CARD8: variants seen among roughly 807,000 people sequenced by gnomAD.
CARD8 encodes caspase recruitment domain family member 8.
In CARD8, 38 loss-of-function variants were observed where a neutral mutation model predicts 53.2. That is an observed-to-expected ratio of 0.71 (90% CI 0.55 to 0.94). The LOEUF is 0.94. CARD8 is among the 40% of genes least tolerant of loss of function. CARD8 has a pLI of 0.00. For missense variants in CARD8, 561 were observed against 655.5 expected, an observed-to-expected ratio of 0.86 and a Z score of 1.57; for synonymous variants, 245 against 244.9, an observed-to-expected ratio of 1.00 and a Z score of 0.00.
In CARD8 at chr19:48,240,994, C is replaced by G. The variant is rs1322799760; in HGVS notation, c.27G>C (p.Lys9Asn). The G allele has an allele frequency of 6.5e-7, 1 of 1,536,064 alleles. No homozygotes were observed. The highest frequency in any genetic ancestry group is 1.4e-5 in the African/African-American group (1 of 73,026). Residue 9 changes from lysine (K) to asparagine (N), a missense_variant, in exon 4 of 14, where the codon AAG (lysine) becomes AAC (asparagine). Coordinates refer to ENST00000651546, the MANE Select transcript of CARD8 (RefSeq NM_001184900.3). MEKKECPE[K>N]SSSSEEELPR... ...GCAGCTCTTCCTCACTGCTGCTACT[C>G]TTTTCTGGACACTCCTTTTTTTCCA...
intron 10 of CARD8, among the ~76,000 whole-genome samples, chr19:48,229,718 C>T (rs1164803026): frequency 4.6e-5 from 7 of 152,198 alleles, no homozygotes; most frequent in Non-Finnish European, 8.8e-5. Flanking sequence ...GAATATGAGC[C>T]TTTAATAAGT....
intron 4 of CARD8, 65 bp downstream of exon 4, chr19:48,240,897 T>C (rs2044887390): frequency 1.6e-6 from 2 of 1,249,232 alleles, no homozygotes; most frequent in Non-Finnish European, 2.3e-6. Context: ...CTGTATCTCA[T>C]GAACTATAAC....
intron 10 of CARD8, among the ~76,000 whole-genome samples, chr19:48,227,931 G>C (rs1208905320): frequency 6.6e-6 from 1 of 151,998 alleles, no homozygotes; most frequent in African/African-American, 2.4e-5. Flanking sequence ...GAGCTGTTAG[G>C]AATCGGGCTG....
At chr19:48,253,160 T>C (rs1600782065) in intron 1 of CARD8, among the ~76,000 whole-genome samples, 1 of 152,168 alleles carries the variant, frequency 6.6e-6, no homozygotes, top group Non-Finnish European at 1.5e-5. Context: ...CTAAAAAGAA[T>C]AGGACTGGTT....
chr19:48,253,363 G>A (rs2047179783), intron 1 of CARD8, among the ~76,000 whole-genome samples: 1 of 152,144 alleles, frequency 6.6e-6, no homozygotes, highest in African/African-American at 2.4e-5. Flanking sequence ...GTAATTACAG[G>A]TGTGAGCCAC....
At chr19:48,206,177 C>T (rs559922249), downstream of CARD8, among the ~76,000 whole-genome samples, 82 of 152,234 alleles carry the variant, frequency 5.4e-4, no homozygotes, top group Non-Finnish European at 1.1e-3. Flanking sequence ...GGATTACAGC[C>T]GTGAGCCATC....
At position 48,215,978 on chromosome 19, in the gene CARD8, C is replaced by T. The variant is rs553568307; in HGVS notation, c.1304-594G>A. On this transcript the variant is annotated intron_variant, in intron 12 of 13. Coordinates refer to ENST00000651546, the MANE Select transcript of CARD8 (RefSeq NM_001184900.3). ...TGGCAGCAGCTCAGTCACCATGTCACCAAGACAGAATAAATATGAGCTTCC... is the reference window on the plus strand; with the variant it reads ...TGGCAGCAGCTCAGTCACCATGTCATCAAGACAGAATAAATATGAGCTTCC... 3.7e-4 allele frequency among the ~76,000 whole-genome samples: 56 copies of T among 152,088 alleles called. No homozygotes were observed. In the South Asian group the frequency reaches 0.011, roughly 30 times the overall value.
chr19:48,233,278 G>A (rs2043243964), intron 6 of CARD8: 1 of 455,154 alleles, frequency 2.2e-6, no homozygotes, highest in Non-Finnish European at 4.4e-6. Context: ...ATACCTTCTG[G>A]AGCAAGGCAA....
intron 8 of CARD8, 51 bp downstream of exon 8, chr19:48,231,609 C>T (rs746666201): frequency 1.3e-6 from 2 of 1,535,614 alleles, no homozygotes; most frequent in Non-Finnish European, 1.8e-6. Context: ...GGCCTACACA[C>T]TTCCTTTATA....
At chr19:48,212,421 A>G (rs2038188298) in intron 13 of CARD8, among the ~76,000 whole-genome samples, 1 of 152,264 alleles carries the variant, frequency 6.6e-6, no homozygotes, top group Non-Finnish European at 1.5e-5. Context: ...CTATGAAAGA[A>G]GAGATTTAAC....
chr19:48,231,544 C>A lies in CARD8; in HGVS notation c.542+116G>T, dbSNP rs2042888466. 5.9e-6 allele frequency: 6 copies of A among 1,009,690 alleles called. No individual in the cohort carries two copies. The Admixed American group carries it at 1.2e-4, about 20-fold the overall frequency. The allele number at this position is 1,009,690 out of a possible 1,614,324, so 62.5% of individuals were successfully genotyped here. A position where few individuals can be genotyped will look rare whatever the true frequency, so the allele number is the denominator to read the frequency against. On this transcript the variant is annotated intron_variant, in intron 8 of 13. Transcript: ENST00000651546. ...GGTCTCGAACTCCTGACCTTGTGATCCGCCCTCCTCCACCTCCCAAAGTGC... is the reference window on the plus strand; with the variant it reads ...GGTCTCGAACTCCTGACCTTGTGATACGCCCTCCTCCACCTCCCAAAGTGC...
intron 1 of CARD8, among the ~76,000 whole-genome samples, chr19:48,252,527 C>G (rs886231018): frequency 6.7e-6 from 1 of 149,594 alleles, no homozygotes; most frequent in Non-Finnish European, 1.5e-5. Flanking sequence ...GAGTCTTGCT[C>G]TGTCACCCAG....
At chr19:48,212,000 C>G (rs777814650) in intron 13 of CARD8, 25 bp from the exon 14 acceptor site, 25 of 1,605,570 alleles carry the variant, frequency 1.6e-5, no homozygotes, top group African/African-American at 2.7e-5. Flanking sequence ...GAGTTTCAGA[C>G]TTTGAGAATC....
intron 1 of CARD8, among the ~76,000 whole-genome samples, chr19:48,254,489 A>T (rs1031456693): frequency 1.3e-5 from 2 of 152,222 alleles, no homozygotes; most frequent in African/African-American, 4.8e-5. Context: ...GCGGTGGCTC[A>T]TCCCTGTAAT....
intron 4 of CARD8, among the ~76,000 whole-genome samples, chr19:48,240,448 A>G (rs114049452): frequency 0.011 from 1,647 of 152,196 alleles, 23 homozygotes; most frequent in African/African-American, 0.033. Flanking sequence ...AAAAGGTCAG[A>G]AACAGGGAAG....
rs990774894 is a variant in CARD8 at position 48,232,968 on chromosome 19, T to C, written c.351-475A>G. On this transcript the variant is annotated intron_variant, in intron 6 of 13. Transcript: ENST00000651546. ...CTCTGGCTTAAATTGATTGCTCCGA[T>C]TGGTATCATACGATGTCGGAATCAA... 8.0e-5 allele frequency: 29 copies of C among 364,306 alleles called. No homozygotes were observed. The Admixed American group carries it at 9.0e-4, about 11-fold the overall frequency. The allele number at this position is 364,306 out of a possible 1,614,324, so 22.6% of individuals were successfully genotyped here. A position where few individuals can be genotyped will look rare whatever the true frequency, so the allele number is the denominator to read the frequency against.
At position 48,218,685 on chromosome 19, in the gene CARD8, C is replaced by T. The variant is rs145284114; in HGVS notation, c.1303+186G>A. 2.0e-5 allele frequency among the ~76,000 whole-genome samples: 3 copies of T among 152,148 alleles called. 1 individual carries two copies. Among genetic ancestry groups the T allele is most frequent in the East Asian group, 3.9e-4 (2 of 5,176 alleles). On this transcript the variant is annotated intron_variant, in intron 12 of 13. Coordinates refer to ENST00000651546, the MANE Select transcript of CARD8 (RefSeq NM_001184900.3). ...CTATTTATCTAGATGTTCTCCCTTC[C>T]CACATCACCCAAAAGGCCCCAGTGT...
At chr19:48,215,749 G>A (rs1299503536) in intron 12 of CARD8, among the ~76,000 whole-genome samples, 1 of 152,106 alleles carries the variant, frequency 6.6e-6, no homozygotes, top group African/African-American at 2.4e-5. Context: ...TTTTGGATGT[G>A]ATTGTACCAA....
intron 3 of CARD8, among the ~76,000 whole-genome samples, chr19:48,242,099 G>C (rs34895147): frequency 1.3e-5 from 2 of 152,302 alleles, no homozygotes; most frequent in Middle Eastern, 3.4e-3. Context: ...TGGACCGAAT[G>C]TATGTGTCCA....
Sources: gnomAD v4.1 joint callset for allele counts (sites outside exome capture counted in the v4.1 genomes callset) on GRCh38, gnomAD v4.1.1 for gene constraint, MANE v1.5 for transcripts, NCBI Gene and HGNC (gene_info 2026-07-23, HGNC 2026-07-21) for gene names.